Variants in TRPM7 observed in about 807,000 individuals in gnomAD.
TRPM7 encodes LTRPC ion channel family member 7.
Under a neutral mutation model 229.7 loss-of-function variants are expected in TRPM7, and 134 were observed. The observed-to-expected ratio is 0.58, with a 90% confidence interval of 0.51 to 0.67. The LOEUF is 0.67. Among genes scored for constraint, TRPM7 ranks in the 30% least tolerant of loss-of-function variants. The pLI, the probability that TRPM7 is intolerant of heterozygous loss-of-function variation, is 0.00. For missense variants in TRPM7, 1,901 were observed against 2,210.0 expected (o/e 0.86, Z 2.80); for synonymous variants, 699 against 715.2 (o/e 0.98, Z 0.36).
intron 3 of TRPM7, among the ~76,000 whole-genome samples, chr15:50,649,118 T>C (rs945554317): frequency 6.6e-6 from 1 of 152,068 alleles, no homozygotes; most frequent in South Asian, 2.1e-4. Flanking sequence ...ACATGAGGCA[T>C]CTACAAAACA....
At chr15:50,593,086 C>T (rs944098011) in intron 25 of TRPM7, among the ~76,000 whole-genome samples, 1 of 151,942 alleles carries the variant, frequency 6.6e-6, no homozygotes, top group East Asian at 1.9e-4. Context: ...GTCAGGAGTT[C>T]GAGACCAGCT....
chr15:50,668,207 G>C (rs1476486043), intron 1 of TRPM7, among the ~76,000 whole-genome samples: 1 of 152,126 alleles, frequency 6.6e-6, no homozygotes, highest in African/African-American at 2.4e-5. Flanking sequence ...TCTAACATTA[G>C]AATAAAGGAA....
intron 1 of TRPM7, among the ~76,000 whole-genome samples, chr15:50,681,919 C>T (rs772902214): frequency 2.0e-5 from 3 of 152,048 alleles, no homozygotes; most frequent in Non-Finnish European, 4.4e-5. Flanking sequence ...CGGTGGCTCA[C>T]GCCTGTAATC....
intron 36 of TRPM7, among the ~76,000 whole-genome samples, chr15:50,571,838 CA>C (rs1007202257): frequency 2.0e-5 from 3 of 152,178 alleles, no homozygotes; most frequent in Non-Finnish European, 4.4e-5. Context: ...GAACATTGTT[CA>C]AATCACAAGG....
chr15:50,661,329 C>T (rs2061716551), intron 2 of TRPM7, among the ~76,000 whole-genome samples: 1 of 152,090 alleles, frequency 6.6e-6, no homozygotes, highest in South Asian at 2.1e-4. Context: ...GTACATTTTG[C>T]ATATAGACTG....
intron 3 of TRPM7, among the ~76,000 whole-genome samples, chr15:50,654,166 T>C (rs113352582): frequency 0.035 from 5,380 of 152,204 alleles, 319 homozygotes; most frequent in African/African-American, 0.12. Context: ...TAAAAAATTA[T>C]TGGCCGGGTG....
chr15:50,604,006 T>C (rs1489200150), intron 21 of TRPM7: 1 of 152,184 alleles, frequency 6.6e-6, no homozygotes, highest in Non-Finnish European at 1.5e-5. Context: ...TTTGCTGAAA[T>C]TTCCTAGGAT....
intron 5 of TRPM7, among the ~76,000 whole-genome samples, chr15:50,642,310 G>A (rs1328809208): frequency 6.6e-6 from 1 of 152,142 alleles, no homozygotes; most frequent in East Asian, 1.9e-4. Context: ...AAGCTTTATA[G>A]GGTATACCAT....
chr15:50,656,497 T>C (rs903736095), intron 3 of TRPM7, among the ~76,000 whole-genome samples: 6 of 147,708 alleles, frequency 4.1e-5, no homozygotes, highest in African/African-American at 1.5e-4. Flanking sequence ...GTGTGTGGTT[T>C]TCTTTTTTTT....
intron 7 of TRPM7, among the ~76,000 whole-genome samples, chr15:50,636,433 C>T (rs368548538): frequency 9.9e-5 from 15 of 152,134 alleles, no homozygotes; most frequent in African/African-American, 3.6e-4. Context: ...TCAGGTGATC[C>T]ACCCACCTCG....
Position 50,636,190 on chromosome 15 carries a change from T to TC in TRPM7, c.832+1231_832+1232insG, listed in dbSNP as rs1341122025. On this transcript the variant is annotated intron_variant, in intron 7 of 38. Coordinates refer to ENST00000646667, the MANE Select transcript of TRPM7 (RefSeq NM_017672.6). ...GTAGGACTATAAACAATTCTTAACT[T>TC]TTTTTTTTTTTTTGCAATGGAGTCT... 5.4e-5 allele frequency among the ~76,000 whole-genome samples: 8 copies of TC among 146,858 alleles called. 1 individual carries two copies. In the East Asian group the frequency reaches 1.6e-3, roughly 29 times the overall value.
At chr15:50,623,806 A>AC (rs2060485911) in intron 12 of TRPM7, among the ~76,000 whole-genome samples, 1 of 152,060 alleles carries the variant, frequency 6.6e-6, no homozygotes, top group Non-Finnish European at 1.5e-5. Context: ...AGAAAAAAAA[A>AC]AAGAGAAAAA....
chr15:50,577,717 C>T (rs911285154), intron 31 of TRPM7, among the ~76,000 whole-genome samples: 3 of 151,998 alleles, frequency 2.0e-5, no homozygotes, highest in Non-Finnish European at 2.9e-5. Flanking sequence ...TAGGCATATG[C>T]CAATAATAAA....
intron 27 of TRPM7, among the ~76,000 whole-genome samples, chr15:50,589,226 G>A (rs908201555): frequency 6.7e-6 from 1 of 149,650 alleles, no homozygotes; most frequent in Non-Finnish European, 1.5e-5. Context: ...AGAGGCTGAG[G>A]CAGGAGAATC....
At chr15:50,591,797 T>A (rs140253778) in intron 26 of TRPM7, 114 bp downstream of exon 26, 8 of 811,880 alleles carry the variant, frequency 9.9e-6, no homozygotes, top group Non-Finnish European at 1.4e-5. Flanking sequence ...TTTTTAAAAA[T>A]TTTATAATTA....
chr15:50,606,156 G>A (rs1292438668), intron 20 of TRPM7, among the ~76,000 whole-genome samples: 3 of 152,120 alleles, frequency 2.0e-5, no homozygotes, highest in Non-Finnish European at 2.9e-5. Context: ...AAAGGCGGGC[G>A]GATCATGAGG....
At position 50,634,462 on chromosome 15, in the gene TRPM7, A is replaced by T; in HGVS notation, c.927T>A (p.Pro309=). The part of the protein sequence containing the change: ...TVLEYLQESP[P]VPVVVCEGTG... Reference sequence around the variant, plus strand: ...TTCCTTCACACACAACTACTGGAACAGGGGGGCTTTCCTGAAGGTATTCAA... The same window carrying T: ...TTCCTTCACACACAACTACTGGAACTGGGGGGCTTTCCTGAAGGTATTCAA... The change falls in exon 8 of 39, where the codon CCT becomes CCA. Residue 309 remains proline, a synonymous_variant. Coordinates refer to ENST00000646667, the MANE Select transcript of TRPM7 (RefSeq NM_017672.6). 6.3e-7 allele frequency: 1 copy of T among 1,586,428 alleles called. No homozygotes were observed. Among genetic ancestry groups the T allele is most frequent in the African/African-American group, 1.4e-5 (1 of 72,806 alleles).
rs552222626 is a variant in TRPM7, at chr15:50,609,584, G to A, written c.2577C>T (p.Asn859=). The A allele has an allele frequency of 3.1e-5, 50 of 1,602,012 alleles. No homozygotes were observed. In the South Asian group the frequency reaches 5.1e-4, roughly 16 times the overall value. ...CTTGTGTAATTTAAAAACATACCGT[G>A]TTAAACCAGAATTTTACAATTGGTG... is the stretch of plus-strand genomic sequence containing the variant. The part of the protein sequence containing the change: ...YHAPIVKFWF[N]TLAYLGFLML... Residue 859 remains asparagine, a synonymous_variant, in exon 19 of 39, where the codon AAC becomes AAT. Transcript: ENST00000646667.
At chr15:50,585,342 C>T (rs1180141840) in intron 28 of TRPM7, among the ~76,000 whole-genome samples, 3 of 152,166 alleles carry the variant, frequency 2.0e-5, no homozygotes, top group Non-Finnish European at 4.4e-5. Flanking sequence ...GGATTACAGG[C>T]GTAAGCCACC....
Sources: allele counts gnomAD v4.1 joint callset (sites outside exome capture counted in the v4.1 genomes callset), GRCh38; gene constraint gnomAD v4.1.1; transcripts MANE v1.5; gene names NCBI Gene and HGNC (gene_info 2026-07-23, HGNC 2026-07-21).